Variants in ETFA observed in about 807,000 individuals in gnomAD.
ETFA encodes electron transfer flavoprotein subunit alpha.
ETFA carries 22 observed loss-of-function variants against 46.2 expected under a neutral mutation model. That is an observed-to-expected ratio of 0.48 (90% CI 0.34 to 0.68). The LOEUF is 0.68. ETFA is among the 30% of genes least tolerant of loss of function. The probability of loss-of-function intolerance (pLI) is 0.01; values close to 1 mark genes in which losing one functional copy is unlikely to be tolerated. For synonymous variants in ETFA, 131 were observed against 139.9 expected (o/e 0.94, Z 0.45); for missense variants, 345 against 401.1 (o/e 0.86, Z 1.19).
At chr15:76,262,640 G>T (rs2141498239) in intron 9 of ETFA, among the ~76,000 whole-genome samples, 1 of 151,914 alleles carries the variant, frequency 6.6e-6, no homozygotes, top group East Asian at 1.9e-4. Flanking sequence ...CTGCCACCAT[G>T]CCCGGCTAAT....
chr15:76,298,127 C>A (rs2039844669), intron 1 of ETFA, among the ~76,000 whole-genome samples: 1 of 151,938 alleles, frequency 6.6e-6, no homozygotes, highest in African/African-American at 2.4e-5. Context: ...ACTGCAACCA[C>A]CGCCTCCAGG....
chr15:76,305,859 G>GTTTT lies in ETFA; in HGVS notation c.39+5490_39+5491insAAAA, dbSNP rs145324866. On this transcript the variant is annotated intron_variant, in intron 1 of 11. Transcript: ENST00000557943. ...GTCCTTCTCTTTTTCAACCTCAATA[G>GTTTT]TTGTTTTTTTTTTTTTCTTGTGGGG... Among the ~76,000 whole-genome samples the GTTTT allele has an allele frequency of 1.4e-3, 202 of 146,574 alleles. 4 individuals are homozygous for GTTTT. Among genetic ancestry groups the GTTTT allele is most frequent in the South Asian group, 3.5e-3 (16 of 4,566 alleles).
intron 9 of ETFA, among the ~76,000 whole-genome samples, chr15:76,239,109 C>T (rs11072579): frequency 0.26 from 39,535 of 152,040 alleles, 5,827 homozygotes; most frequent in East Asian, 0.57. Flanking sequence ...TTTATACACA[C>T]GACCTCATTT....
chr15:76,275,268 A>G (rs1455996121), intron 8 of ETFA, among the ~76,000 whole-genome samples: 2 of 152,170 alleles, frequency 1.3e-5, no homozygotes, highest in African/African-American at 4.8e-5. Context: ...TGGAATATGG[A>G]GCCCAATATC....
At chr15:76,278,612 G>C (rs1054677134) in intron 8 of ETFA, among the ~76,000 whole-genome samples, 6 of 152,186 alleles carry the variant, frequency 3.9e-5, no homozygotes, top group Non-Finnish European at 8.8e-5. Flanking sequence ...ATTCCTGGCA[G>C]TTATACTAAG....
intron 4 of ETFA, among the ~76,000 whole-genome samples, chr15:76,291,569 T>C (rs961688386): frequency 6.7e-6 from 1 of 150,060 alleles, no homozygotes; most frequent in Non-Finnish European, 1.5e-5. Flanking sequence ...GCTAACACAG[T>C]GAAACCCCGT....
At chr15:76,249,504 C>T (rs1468234908) in intron 9 of ETFA, among the ~76,000 whole-genome samples, 4 of 143,200 alleles carry the variant, frequency 2.8e-5, no homozygotes, top group African/African-American at 1.1e-4. Context: ...TGCAGTGGCG[C>T]GATCTCGGCT....
Position 76,292,714 on chromosome 15 carries a change from A to G in ETFA, c.187-14T>C. 2 of 1,554,860 alleles carry G rather than the reference A, an allele frequency of 1.3e-6. No individual in the cohort carries two copies. The highest frequency in any genetic ancestry group is 8.9e-7 in the Non-Finnish European group (1 of 1,125,916). ...ATCTTGTGCCACCTATGATTAAAAG[A>G]TAAGTTCCTAATTATCCATCTATCA... On this transcript the variant is annotated splice_polypyrimidine_tract_variant and intron_variant, in intron 2 of 11. Coordinates refer to ENST00000557943, the MANE Select transcript of ETFA (RefSeq NM_000126.4).
At position 76,216,584 on chromosome 15, in the gene ETFA, AT is replaced by A; in HGVS notation, c.976del (p.Met326Ter). The A allele has an allele frequency of 6.3e-7, 1 of 1,592,658 alleles. No individual in the cohort carries two copies. Among genetic ancestry groups the A allele is most frequent in the Non-Finnish European group, 8.6e-7 (1 of 1,160,478 alleles). On this transcript the variant is annotated frameshift_variant, in exon 12 of 12. Transcript: ENST00000557943. LOFTEE classifies it high-confidence loss of function. ...TCATTTTTTCTTCAATATCTCAGTC[AT>A]TTCAGGAACTACCTGCAAATAAAAA... ...VADLFKVVPE[M>X]TEILKKK is the part of the protein sequence containing the mutation.
At chr15:76,228,568 G>A (rs1474254599) in intron 10 of ETFA, among the ~76,000 whole-genome samples, 1 of 152,080 alleles carries the variant, frequency 6.6e-6, no homozygotes, top group Non-Finnish European at 1.5e-5. Context: ...CAAAAAAGAT[G>A]TGGGGCTGGT....
intron 8 of ETFA, among the ~76,000 whole-genome samples, chr15:76,277,675 G>C (rs1051486232): frequency 3.3e-5 from 5 of 152,124 alleles, no homozygotes; most frequent in African/African-American, 1.2e-4. Context: ...ACTAATTTTT[G>C]TATTTTTAGT....
chr15:76,263,418 A>C (rs1347200153), intron 9 of ETFA, among the ~76,000 whole-genome samples: 1 of 152,252 alleles, frequency 6.6e-6, no homozygotes, highest in African/African-American at 2.4e-5. Flanking sequence ...ACACCCAGGG[A>C]CGACTGAAAG....
chr15:76,252,635 A>G (rs1464522734), intron 9 of ETFA, among the ~76,000 whole-genome samples: 3 of 152,232 alleles, frequency 2.0e-5, no homozygotes. Flanking sequence ...GATGACAACT[A>G]AACGCAATAC....
At position 76,261,873 on chromosome 15, in the gene ETFA, G is replaced by A. The variant is rs141032649; in HGVS notation, c.816+12539C>T. Among the ~76,000 whole-genome samples, 136 of 152,270 alleles carry A rather than the reference G, an allele frequency of 8.9e-4. 3 individuals carry two copies. In the East Asian group the frequency reaches 0.026, roughly 29 times the overall value. On this transcript the variant is annotated intron_variant, in intron 9 of 11. Transcript: ENST00000557943. ...GTGGTAAAATATTCACTCAGGCCAG[G>A]TGCAGTGGTTCACACCTGTAACCCC...
intron 10 of ETFA, chr15:76,227,639 T>C (rs557673166): frequency 2.5e-5 from 9 of 366,280 alleles, no homozygotes; most frequent in Non-Finnish European, 3.7e-5. Context: ...TAGACTCTAA[T>C]GTAGTATTAT....
intron 9 of ETFA, among the ~76,000 whole-genome samples, chr15:76,242,071 G>A (rs1031834150): frequency 1.3e-5 from 2 of 151,966 alleles, no homozygotes; most frequent in Admixed American, 6.6e-5. Flanking sequence ...TCTTGACCTC[G>A]GGATCCCCCC....
chr15:76,274,987 A>G (rs62027007), intron 8 of ETFA, among the ~76,000 whole-genome samples: 14,424 of 152,202 alleles, frequency 0.095, 831 homozygotes, highest in Middle Eastern at 0.15. Flanking sequence ...GCAGGAGTCA[A>G]GAATGAGCCT....
chr15:76,310,464 A>C (rs1376629769), intron 1 of ETFA, among the ~76,000 whole-genome samples: 1 of 152,026 alleles, frequency 6.6e-6, no homozygotes, highest in African/African-American at 2.4e-5. Flanking sequence ...TTTCACCTAA[A>C]TGTAAACTAG....
intron 1 of ETFA, among the ~76,000 whole-genome samples, chr15:76,302,897 C>CG (rs2039894906): frequency 6.6e-6 from 1 of 152,130 alleles, no homozygotes; most frequent in Non-Finnish European, 1.5e-5. Context: ...CCCAGGCTGG[C>CG]GTCCAATTCC....
Sources: gnomAD v4.1 joint callset for allele counts (sites outside exome capture counted in the v4.1 genomes callset) on GRCh38, gnomAD v4.1.1 for gene constraint, MANE v1.5 for transcripts, NCBI Gene and HGNC (gene_info 2026-07-23, HGNC 2026-07-21) for gene names.